Variants in PTPRJ observed in about 807,000 individuals in gnomAD.
The protein encoded by PTPRJ is receptor-type tyrosine-protein phosphatase eta.
A neutral mutation model predicts 141.3 loss-of-function variants in PTPRJ; 129 were observed. That is an observed-to-expected ratio of 0.91 (90% CI 0.79 to 1.06). The LOEUF is 1.06. PTPRJ is among the 50% of genes least tolerant of loss of function. The probability of loss-of-function intolerance (pLI) is 0.00; values close to 1 mark genes in which losing one functional copy is unlikely to be tolerated. For synonymous variants in PTPRJ, 610 were observed against 640.5 expected (o/e 0.95, Z 0.72); for missense variants, 1,601 against 1,679.7 (o/e 0.95, Z 0.82).
At chr11:48,092,326 A>G (rs1046722346) in intron 1 of PTPRJ, among the ~76,000 whole-genome samples, 1 of 149,192 alleles carries the variant, frequency 6.7e-6, no homozygotes, top group African/African-American at 2.5e-5. Flanking sequence ...AAGAAAAAGA[A>G]AAAAAGAAAT....
At chr11:48,157,563 T>C (rs10742837) in intron 21 of PTPRJ, among the ~76,000 whole-genome samples, 149,619 of 152,346 alleles carry the variant, frequency 0.98, 73,531 homozygotes, top group Middle Eastern at 1. Context: ...TCTGGGTGAT[T>C]CTACTGCTGT....
rs1369007452 is a variant in PTPRJ at position 48,170,599 on chromosome 11, C to T, written c.*3237C>T. ...GGGTTTTCAGACTACTGTGTAGCAG[C>T]TGTGTGTTTAACATACTGTAGCTTT... On this transcript the variant is annotated 3_prime_UTR_variant, in exon 25 of 25. Coordinates refer to ENST00000418331, the MANE Select transcript of PTPRJ (RefSeq NM_002843.4). 6.6e-6 allele frequency: 1 copy of T among 152,178 alleles called. No individual in the cohort carries two copies. The highest frequency in any genetic ancestry group is 1.5e-5 in the Non-Finnish European group (1 of 68,040). The allele number at this position is 152,178 out of a possible 1,614,324, so 9.4% of individuals were successfully genotyped here.
intron 16 of PTPRJ, 40 bp downstream of exon 16, chr11:48,149,528 A>T: frequency 7.7e-7 from 1 of 1,297,324 alleles, no homozygotes; most frequent in Non-Finnish European, 1.1e-6. Flanking sequence ...TAAATCCTCC[A>T]ATCTGTTCGG....
At chr11:47,989,431 TA>T (rs1175379199) in intron 1 of PTPRJ, among the ~76,000 whole-genome samples, 2 of 151,942 alleles carry the variant, frequency 1.3e-5, no homozygotes, top group Non-Finnish European at 2.9e-5. Context: ...CACGCCCAGC[TA>T]ATTTTTTGTA....
At chr11:48,026,891 T>C (rs534181253) in intron 1 of PTPRJ, among the ~76,000 whole-genome samples, 10 of 152,154 alleles carry the variant, frequency 6.6e-5, no homozygotes, top group African/African-American at 2.4e-4. Flanking sequence ...ACTGTGTCAT[T>C]CTTAATGCCT....
intron 1 of PTPRJ, among the ~76,000 whole-genome samples, chr11:48,016,345 G>A (rs1024763996): frequency 2.0e-5 from 3 of 152,264 alleles, no homozygotes; most frequent in African/African-American, 7.2e-5. Context: ...GAGAGGATGA[G>A]TGGGTGGTAT....
chr11:48,041,043 A>G (rs1377804603), intron 1 of PTPRJ, among the ~76,000 whole-genome samples: 2 of 151,998 alleles, frequency 1.3e-5, no homozygotes, highest in Admixed American at 6.6e-5. Context: ...CCACCTGGCT[A>G]GTTCCTGTTG....
rs1173873552 is a variant in PTPRJ at position 48,046,917 on chromosome 11, T to A, written c.97-63141T>A. 9.2e-3 allele frequency among the ~76,000 whole-genome samples: 1,102 copies of A among 120,378 alleles called. 2 individuals carry two copies. Among genetic ancestry groups the A allele is most frequent in the Middle Eastern group, 0.02 (5 of 252 alleles). 79.0% of individuals were successfully genotyped at this position (120,378 alleles called of 152,430 possible). ...ATATATATATATATATATATATTTTTTTTTTTTTTTTTTTTTGAGATAGAG... is the reference window on the plus strand; with the variant it reads ...ATATATATATATATATATATATTTTATTTTTTTTTTTTTTTTGAGATAGAG... On this transcript the variant is annotated intron_variant, in intron 1 of 24. Transcript: ENST00000418331.
chr11:48,090,102 A>G (rs1004303699), intron 1 of PTPRJ, among the ~76,000 whole-genome samples: 1 of 152,152 alleles, frequency 6.6e-6, no homozygotes, highest in African/African-American at 2.4e-5. Context: ...CCTCCCCCCA[A>G]CCAAGGAAAC....
chr11:48,007,631 G>A (rs1300250394), intron 1 of PTPRJ, among the ~76,000 whole-genome samples: 3 of 152,158 alleles, frequency 2.0e-5, no homozygotes, highest in Non-Finnish European at 2.9e-5. Flanking sequence ...TTGAACTCCA[G>A]ACCTCAAGTG....
chr11:48,034,589 G>A (rs1433281129), intron 1 of PTPRJ, among the ~76,000 whole-genome samples: 1 of 152,150 alleles, frequency 6.6e-6, no homozygotes, highest in Admixed American at 6.5e-5. Flanking sequence ...TGCATATACT[G>A]TATAAAGCTT....
intron 1 of PTPRJ, among the ~76,000 whole-genome samples, chr11:48,102,914 T>G (rs1856184904): frequency 6.6e-6 from 1 of 152,122 alleles, no homozygotes; most frequent in South Asian, 2.1e-4. Context: ...AGATTAGCCC[T>G]GTGGAGGAGT....
intron 1 of PTPRJ, among the ~76,000 whole-genome samples, chr11:47,996,039 C>T (rs1214163363): frequency 8.6e-6 from 1 of 116,024 alleles, no homozygotes; most frequent in African/African-American, 3.2e-5. Flanking sequence ...ACTCCATCTC[C>T]AAAAAAAAAA....
chr11:48,099,087 A>G (rs1361981236), intron 1 of PTPRJ, among the ~76,000 whole-genome samples: 1 of 152,196 alleles, frequency 6.6e-6, no homozygotes, highest in African/African-American at 2.4e-5. Flanking sequence ...TTTAGCTCAG[A>G]TCTCAAGCTA....
rs904855893 is a variant in PTPRJ, at chr11:48,163,597, C to G, written c.3698C>G (p.Ser1233Trp). ...RDYMKQSPPE[S>W]PILVHCSAGV... is the part of the protein sequence containing the mutation. ...TACATGAAGCAGAGTCCTCCCGAAT[C>G]GCCGATTCTGGTGCATTGCAGGTAC... The change falls in exon 23 of 25, where the codon TCG (serine) becomes TGG (tryptophan). Residue 1233 changes from serine (S) to tryptophan (W), a missense_variant. Coordinates refer to ENST00000418331, the MANE Select transcript of PTPRJ (RefSeq NM_002843.4). 1 of 1,613,900 alleles carries G rather than the reference C, an allele frequency of 6.2e-7. No homozygotes were observed. The highest frequency in any genetic ancestry group is 8.5e-7 in the Non-Finnish European group (1 of 1,179,760).
chr11:48,026,996 CTTTTTTTTT>C (rs1206503872), intron 1 of PTPRJ, among the ~76,000 whole-genome samples: 1 of 113,230 alleles, frequency 8.8e-6, no homozygotes, highest in Non-Finnish European at 1.8e-5. Context: ...TTGGAATACC[CTTTTTTTTT>C]TTTTTTTTTT....
intron 1 of PTPRJ, among the ~76,000 whole-genome samples, chr11:48,074,513 C>G (rs906565339): frequency 1.1e-4 from 16 of 152,224 alleles, no homozygotes; most frequent in East Asian, 1.9e-4. Flanking sequence ...GGCAAAGACT[C>G]TCTCCCCACC....
intron 14 of PTPRJ, among the ~76,000 whole-genome samples, chr11:48,145,464 T>A (rs576531286): frequency 2.0e-4 from 30 of 152,302 alleles, no homozygotes; most frequent in Admixed American, 5.2e-4. Flanking sequence ...AATAGTAGAA[T>A]CAGAGGAAGC....
chr11:48,141,894 A>G (rs1309639000), intron 11 of PTPRJ, among the ~76,000 whole-genome samples: 2 of 149,570 alleles, frequency 1.3e-5, no homozygotes, highest in East Asian at 3.9e-4. Context: ...GTGGTATCCA[A>G]GCAACCATTG....
Sources: allele counts gnomAD v4.1 joint callset (sites outside exome capture counted in the v4.1 genomes callset), GRCh38; gene constraint gnomAD v4.1.1; transcripts MANE v1.5; gene names NCBI Gene and HGNC (gene_info 2026-07-23, HGNC 2026-07-21).